SMARCA5: variants seen among roughly 807,000 people sequenced by gnomAD.
SMARCA5 encodes SWI/SNF-related matrix-associated actin-dependent regulator of chromatin subfamily A member 5.
SMARCA5 carries 18 observed loss-of-function variants against 140.4 expected under a neutral mutation model. That is an observed-to-expected ratio of 0.13 (90% confidence interval 0.09 to 0.19). SMARCA5 has a LOEUF of 0.19. Ranked by LOEUF, SMARCA5 falls within the 10% of genes least tolerant of loss-of-function variation. The probability of loss-of-function intolerance (pLI) is 1.00; values close to 1 mark genes in which losing one functional copy is unlikely to be tolerated. For synonymous variants in SMARCA5, 449 were observed against 419.6 expected (o/e 1.07, Z -0.86); for missense variants, 606 against 1,276.8 (o/e 0.47, Z 8.01).
At position 143,555,042 on chromosome 4, in the gene SMARCA5, G is replaced by A; in HGVS notation, c.*1858G>A. On this transcript the variant is annotated 3_prime_UTR_variant, in exon 24 of 24. Coordinates refer to ENST00000283131, the MANE Select transcript of SMARCA5 (RefSeq NM_003601.4). The stretch of plus-strand genomic sequence containing the variant: ...CCTGTCACTTCCCTGTCACTTCTCT[G>A]GCTTTCCTCTCCCGCTAAGCTTTTG... The A allele has an allele frequency of 1.8e-6, 1 of 546,198 alleles. No individual in the cohort carries two copies. Among genetic ancestry groups the A allele is most frequent in the Non-Finnish European group, 3.5e-6 (1 of 288,562 alleles). The allele number at this position is 546,198 out of a possible 1,614,324, so 33.8% of individuals were successfully genotyped here.
intron 2 of SMARCA5, among the ~76,000 whole-genome samples, chr4:143,517,813 A>G (rs1462142286): frequency 6.6e-6 from 1 of 152,112 alleles, no homozygotes; most frequent in African/African-American, 2.4e-5. Context: ...ACAACATGGG[A>G]GATTTGGAGG....
At chr4:143,530,770 A>C (rs1361053772) in intron 9 of SMARCA5, among the ~76,000 whole-genome samples, 1 of 152,206 alleles carries the variant, frequency 6.6e-6, no homozygotes, top group Non-Finnish European at 1.5e-5. Context: ...CAGTTATACA[A>C]AATACAGTGG....
chr4:143,540,590 C>A, intron 14 of SMARCA5, 95 bp downstream of exon 14: 1 of 1,159,020 alleles, frequency 8.6e-7, no homozygotes, highest in Non-Finnish European at 1.2e-6. Context: ...ACTAAGCATC[C>A]ATTGAGTCAA....
chr4:143,540,841 G>T (rs1387953097), intron 14 of SMARCA5, among the ~76,000 whole-genome samples: 1 of 152,148 alleles, frequency 6.6e-6, no homozygotes, highest in Non-Finnish European at 1.5e-5. Flanking sequence ...ATTCAGTGTG[G>T]TGGTTAATGA....
chr4:143,540,598 C>T, intron 14 of SMARCA5, 103 bp downstream of exon 14: 1 of 1,072,006 alleles, frequency 9.3e-7, no homozygotes, highest in South Asian at 1.6e-5. Flanking sequence ...TCCATTGAGT[C>T]AAGCTTGCAG....
chr4:143,523,956 A>G (rs1377353501), intron 3 of SMARCA5, among the ~76,000 whole-genome samples: 1 of 152,172 alleles, frequency 6.6e-6, no homozygotes, highest in Non-Finnish European at 1.5e-5. Flanking sequence ...CACTGCTTAA[A>G]TTTCTGAGTC....
chr4:143,521,701 A>G, intron 3 of SMARCA5, 106 bp downstream of exon 3: 2 of 1,030,226 alleles, frequency 1.9e-6, no homozygotes, highest in South Asian at 1.8e-5. Context: ...TTTTAGTGCC[A>G]TTATTTATTT....
In SMARCA5 at chr4:143,546,767, C is replaced by T; in HGVS notation, c.2521-9C>T. On this transcript the variant is annotated splice_polypyrimidine_tract_variant and intron_variant, in intron 19 of 23. Coordinates refer to ENST00000283131, the MANE Select transcript of SMARCA5 (RefSeq NM_003601.4). ...TGTGATTAAATATTTTGTTTCTGTT[C>T]CTGTGAAGGGATTTACCAATTGGAA... 3.1e-6 allele frequency: 5 copies of T among 1,599,620 alleles called. No homozygotes were observed. The highest frequency in any genetic ancestry group is 4.3e-6 in the Non-Finnish European group (5 of 1,172,228).
chr4:143,534,566 G>A (rs1409754489), intron 9 of SMARCA5, among the ~76,000 whole-genome samples: 1 of 152,074 alleles, frequency 6.6e-6, no homozygotes, highest in Non-Finnish European at 1.5e-5. Flanking sequence ...GTAATCTAGA[G>A]ATGATTTAAA....
chr4:143,525,761 A>G (rs559157104), intron 5 of SMARCA5, among the ~76,000 whole-genome samples: 83 of 152,336 alleles, frequency 5.4e-4, no homozygotes, highest in African/African-American at 1.9e-3. Context: ...AAAAGAATAC[A>G]TTTGAGAAAC....
chr4:143,530,422 C>T lies in SMARCA5; in HGVS notation c.1090-36C>T, dbSNP rs538662283. ...ATTATAGGGTATTTGTTAATATTAT[C>T]TCTGATCTGAGTATATTTTTTGTTT... On this transcript the variant is annotated intron_variant, in intron 8 of 23. Transcript: ENST00000283131. 5.0e-6 allele frequency: 7 copies of T among 1,396,564 alleles called. No individual in the cohort carries two copies. In the East Asian group the frequency reaches 1.6e-4, roughly 32 times the overall value. The allele number at this position is 1,396,564 out of a possible 1,614,324, so 86.5% of individuals were successfully genotyped here.
intron 8 of SMARCA5, among the ~76,000 whole-genome samples, chr4:143,529,951 A>G (rs1404229774): frequency 6.6e-6 from 1 of 152,206 alleles, no homozygotes; most frequent in Non-Finnish European, 1.5e-5. Context: ...AAGCACATAT[A>G]TAATACATAT....
rs770550176 is a variant in SMARCA5 at position 143,546,882 on chromosome 4, C to T, written c.2627C>T (p.Thr876Ile). 2 of 1,612,836 alleles carry T rather than the reference C, an allele frequency of 1.2e-6. No homozygotes were observed. Among genetic ancestry groups the T allele is most frequent in the Admixed American group, 3.3e-5 (2 of 59,968 alleles). ...ENIAREVEGK[T>I]PEEVIEYSAV... ...ATAGCAAGAGAAGTAGAAGGCAAAA[C>T]TCCAGAAGAAGTCATTGAATATTCA... is the stretch of plus-strand genomic sequence containing the variant. Residue 876 changes from threonine to isoleucine, a missense_variant, in exon 20 of 24, where the codon ACT (threonine) becomes ATT (isoleucine). By Grantham distance (89) the Thr-to-Ile change is moderately conservative. Coordinates refer to ENST00000283131, the MANE Select transcript of SMARCA5 (RefSeq NM_003601.4).
In SMARCA5 at chr4:143,540,421, A is replaced by G; in HGVS notation, c.1829A>G (p.Asp610Gly). The G allele has an allele frequency of 2.5e-6, 4 of 1,612,420 alleles. No homozygotes were observed. Among genetic ancestry groups the G allele is most frequent in the East Asian group, 2.2e-5 (1 of 44,818 alleles). ...GTCAGAGTGTTCCGCTTTATAACTG[A>G]TAACACTGTAGAAGAAAGAATAGTA... is the stretch of plus-strand genomic sequence containing the variant. ...KTVRVFRFIT[D>G]NTVEERIVER... The change falls in exon 14 of 24, where the codon GAT becomes GGT. Residue 610 changes from aspartate (D) to glycine (G), a missense_variant. Transcript: ENST00000283131.
intron 3 of SMARCA5, among the ~76,000 whole-genome samples, chr4:143,522,057 A>AT: frequency 6.6e-6 from 1 of 152,300 alleles, no homozygotes; most frequent in East Asian, 1.9e-4. Flanking sequence ...CTTGTTTAAC[A>AT]TCACATTGAA....
chr4:143,547,840 C>A lies in SMARCA5; in HGVS notation c.2773-88C>A, dbSNP rs910171983. 6.6e-6 allele frequency: 5 copies of A among 760,292 alleles called. No homozygotes were observed. The African/African-American group carries it at 7.1e-5, about 11-fold the overall frequency. The allele number at this position is 760,292 out of a possible 1,614,324, so 47.1% of individuals were successfully genotyped here. On this transcript the variant is annotated intron_variant, in intron 21 of 23. Coordinates refer to ENST00000283131, the MANE Select transcript of SMARCA5 (RefSeq NM_003601.4). ...TAGAAAATTCTGATTTGAAATGCAA[C>A]ATTTTAGCTAATTATACTAAAGCTG...
rs992270471 is a variant in SMARCA5, at chr4:143,557,151, C to T, written c.*3967C>T. 1 of 152,170 alleles carries T rather than the reference C, an allele frequency of 6.6e-6. No individual in the cohort carries two copies. Among genetic ancestry groups the T allele is most frequent in the African/African-American group, 2.4e-5 (1 of 41,426 alleles). The allele number at this position is 152,170 out of a possible 1,614,324, so 9.4% of individuals were successfully genotyped here. ...TATGAGAAGATTGAGGATCTAGGTACTTGCCTTTAACTCTACAGCATACAA... is the reference window on the plus strand; with the variant it reads ...TATGAGAAGATTGAGGATCTAGGTATTTGCCTTTAACTCTACAGCATACAA... On this transcript the variant is annotated 3_prime_UTR_variant, in exon 24 of 24. Coordinates refer to ENST00000283131, the MANE Select transcript of SMARCA5 (RefSeq NM_003601.4).
intron 22 of SMARCA5, among the ~76,000 whole-genome samples, chr4:143,548,917 G>GA (rs1477575852): frequency 1.3e-5 from 2 of 151,994 alleles, no homozygotes; most frequent in Non-Finnish European, 2.9e-5. Context: ...TTTGACCACT[G>GA]AAAATTTTTT....
intron 23 of SMARCA5, among the ~76,000 whole-genome samples, chr4:143,550,447 A>C (rs1737620275): frequency 6.6e-6 from 1 of 152,000 alleles, no homozygotes; most frequent in Admixed American, 6.6e-5. Flanking sequence ...TCCCTGTTAC[A>C]AACAGTTTAA....
Sources: allele counts gnomAD v4.1 joint callset (sites outside exome capture counted in the v4.1 genomes callset), GRCh38; gene constraint gnomAD v4.1.1; transcripts MANE v1.5; gene names NCBI Gene and HGNC (gene_info 2026-07-23, HGNC 2026-07-21).